Variants in FLVCR2 observed in about 807,000 individuals in gnomAD.
The protein encoded by FLVCR2 is FLVCR choline and putative heme transporter 2, also known as choline/ethanolamine transporter FLVCR2.
FLVCR2 carries 38 observed loss-of-function variants against 48.9 expected under a neutral mutation model. That is an observed-to-expected ratio of 0.78 (90% CI 0.60 to 1.02). The LOEUF is 1.02. Among genes scored for constraint, FLVCR2 ranks in the 50% least tolerant of loss-of-function variants. The pLI is 0.00. For synonymous variants in FLVCR2, 255 were observed against 257.0 expected, an observed-to-expected ratio of 0.99 and a Z score of 0.07; for missense variants, 664 against 663.3, an observed-to-expected ratio of 1.00 and a Z score of -0.01.
chr14:75,579,028 C>G lies in FLVCR2; in HGVS notation c.56C>G (p.Ser19Cys), dbSNP rs1204653243. The G allele has an allele frequency of 6.2e-7, 1 of 1,614,120 alleles. No homozygotes were observed. The highest frequency in any genetic ancestry group is 8.5e-7 in the Non-Finnish European group (1 of 1,180,002). Residue 19 changes from serine (S) to cysteine (C), a missense_variant, in exon 1 of 10, where the codon TCC becomes TGC. Transcript: ENST00000238667. ...AGCGATGACACCCCTGTGCCGGAGT[C>G]CGCACTCCAAGCGGACCCCAGCGTC... ...EESDDTPVPE[S>C]ALQADPSVSV...
intron 1 of FLVCR2, among the ~76,000 whole-genome samples, chr14:75,584,025 G>A (rs544865101): frequency 1.8e-4 from 27 of 152,316 alleles, no homozygotes; most frequent in African/African-American, 6.0e-4. Context: ...GAGTGGCCGC[G>A]ATGTGAGTCG....
intron 1 of FLVCR2, chr14:75,605,587 G>C (rs1460187287): frequency 6.5e-7 from 1 of 1,536,116 alleles, no homozygotes; most frequent in Non-Finnish European, 8.7e-7. Flanking sequence ...GCAGATAACA[G>C]CAGCACCATC....
chr14:75,622,250 C>A, intron 2 of FLVCR2, 30 bp downstream of exon 2: 1 of 1,612,130 alleles, frequency 6.2e-7, no homozygotes, highest in South Asian at 1.1e-5. Context: ...GATGGGGTAG[C>A]AGGGGGCGAA....
intron 9 of FLVCR2, among the ~76,000 whole-genome samples, chr14:75,643,546 G>A (rs990737422): frequency 1.3e-4 from 20 of 152,340 alleles, no homozygotes; most frequent in African/African-American, 4.8e-4. Flanking sequence ...TGAAGGATCT[G>A]TGTTGGCAGA....
At chr14:75,607,660 C>T (rs1594799890) in intron 1 of FLVCR2, among the ~76,000 whole-genome samples, 1 of 152,292 alleles carries the variant, frequency 6.6e-6, no homozygotes, top group East Asian at 1.9e-4. Flanking sequence ...CTTTGGGCAT[C>T]CTGCTCTTGA....
intron 5 of FLVCR2, among the ~76,000 whole-genome samples, chr14:75,636,977 G>C (rs1387878286): frequency 6.6e-6 from 1 of 152,256 alleles, no homozygotes; most frequent in Non-Finnish European, 1.5e-5. Context: ...GGAAGAGTGT[G>C]AGGGAGGAGC....
At chr14:75,628,539 T>C (rs2140043351) in intron 3 of FLVCR2, among the ~76,000 whole-genome samples, 1 of 152,184 alleles carries the variant, frequency 6.6e-6, no homozygotes, top group East Asian at 1.9e-4. Flanking sequence ...CATATTTAGC[T>C]CTGAATTATA....
In FLVCR2 at chr14:75,600,067, C is replaced by T. The variant is rs148118418; in HGVS notation, c.669+20426C>T. Reference sequence around the variant, plus strand: ...TAGGAGGTTGGCACAAGGTACAGGTCGCAAAGACCTTGCTGTTAAAAGGAT... The same window carrying T: ...TAGGAGGTTGGCACAAGGTACAGGTTGCAAAGACCTTGCTGTTAAAAGGAT... On this transcript the variant is annotated intron_variant, in intron 1 of 9. Transcript: ENST00000238667. Among the ~76,000 whole-genome samples, 816 of 152,194 alleles carry T rather than the reference C, an allele frequency of 5.4e-3. 4 individuals carry two copies. Among genetic ancestry groups the T allele is most frequent in the South Asian group, 0.01 (50 of 4,820 alleles).
At chr14:75,625,634 C>T (rs1889882832) in intron 3 of FLVCR2, among the ~76,000 whole-genome samples, 1 of 151,958 alleles carries the variant, frequency 6.6e-6, no homozygotes, top group African/African-American at 2.4e-5. Flanking sequence ...TAAGCGTTAG[C>T]AAATCTGTGA....
chr14:75,597,328 T>C (rs1354971120), intron 1 of FLVCR2, among the ~76,000 whole-genome samples: 2 of 151,248 alleles, frequency 1.3e-5, no homozygotes, highest in African/African-American at 4.9e-5. Flanking sequence ...TTGAGACTTC[T>C]GGGAAAGGTT....
At chr14:75,585,134 A>G (rs1338062155) in intron 1 of FLVCR2, among the ~76,000 whole-genome samples, 1 of 152,162 alleles carries the variant, frequency 6.6e-6, no homozygotes, top group Non-Finnish European at 1.5e-5. Flanking sequence ...TCTGTAGAAA[A>G]GGAGAATTCA....
At chr14:75,593,725 G>T (rs1888947786) in intron 1 of FLVCR2, among the ~76,000 whole-genome samples, 1 of 152,218 alleles carries the variant, frequency 6.6e-6, no homozygotes, top group African/African-American at 2.4e-5. Flanking sequence ...CAAGGCCCCA[G>T]CCTGCTTAGA....
At chr14:75,594,114 A>G (rs985948502) in intron 1 of FLVCR2, among the ~76,000 whole-genome samples, 1 of 152,232 alleles carries the variant, frequency 6.6e-6, no homozygotes, top group Non-Finnish European at 1.5e-5. Context: ...AGTTCTTTGC[A>G]AGTAGATAAC....
intron 1 of FLVCR2, among the ~76,000 whole-genome samples, chr14:75,593,875 A>T (rs1046120978): frequency 6.6e-5 from 10 of 152,204 alleles, no homozygotes; most frequent in Non-Finnish European, 1.5e-4. Context: ...TTTTCAGTCT[A>T]CATGGCCAGC....
At position 75,647,923 on chromosome 14, in the gene FLVCR2, T is replaced by G. The variant is rs1205098071; in HGVS notation, c.*1451T>G. ...TGTTTGTACAGATTCAAGCAATGGA[T>G]GCAAGGAACATGCTGTATGTAATAG... On this transcript the variant is annotated 3_prime_UTR_variant, in exon 10 of 10. Transcript: ENST00000238667. The G allele has an allele frequency of 6.5e-6, 1 of 152,812 alleles. No individual in the cohort carries two copies. Among genetic ancestry groups the G allele is most frequent in the Non-Finnish European group, 1.5e-5 (1 of 68,044 alleles). The allele number at this position is 152,812 out of a possible 1,614,324, so 9.5% of individuals were successfully genotyped here.
At chr14:75,645,648 TG>T (rs1890404227) in intron 9 of FLVCR2, among the ~76,000 whole-genome samples, 1 of 152,298 alleles carries the variant, frequency 6.6e-6, no homozygotes, top group Middle Eastern at 3.4e-3. Flanking sequence ...CTGGGCGCGG[TG>T]GGTCACGCCT....
In FLVCR2 at chr14:75,622,788, C is replaced by T. The variant is rs567874858; in HGVS notation, c.811+568C>T. On this transcript the variant is annotated intron_variant, in intron 2 of 9. Coordinates refer to ENST00000238667, the MANE Select transcript of FLVCR2 (RefSeq NM_017791.3). ...AAAACTAATAATTTCATAGATTAAC[C>T]TGACAGTACTTGGGGATCATAGTTC... is the stretch of plus-strand genomic sequence containing the variant. 1.7e-3 allele frequency among the ~76,000 whole-genome samples: 262 copies of T among 151,262 alleles called. 1 individual carries two copies. Among genetic ancestry groups the T allele is most frequent in the African/African-American group, 6.1e-3 (250 of 41,258 alleles).
In FLVCR2 at chr14:75,636,742, C is replaced by T. The variant is rs553042915; in HGVS notation, c.1124+1729C>T. Among the ~76,000 whole-genome samples, 8 of 152,306 alleles carry T rather than the reference C, an allele frequency of 5.3e-5. No individual in the cohort carries two copies. In the East Asian group the frequency reaches 1.2e-3, roughly 22 times the overall value. On this transcript the variant is annotated intron_variant, in intron 5 of 9. Coordinates refer to ENST00000238667, the MANE Select transcript of FLVCR2 (RefSeq NM_017791.3). ...TGAGAGCTCTGTGATCCCATCATTT[C>T]GGAGCCAGTCCTCGTCACTCTAAGG...
rs267606824 is a variant in FLVCR2, at chr14:75,633,653, C to T, written c.977C>T (p.Ala326Val). ...GGTCTGAATGCTGGTGCTTTTTATGCCTTGTCCACTCTTCTGAATCGCATG... is the reference window on the plus strand; with the variant it reads ...GGTCTGAATGCTGGTGCTTTTTATGTCTTGTCCACTCTTCTGAATCGCATG... ...TYGLNAGAFY[A>V]LSTLLNRMVI... The change falls in exon 4 of 10, where the codon GCC becomes GTC. Residue 326 changes from alanine (A) to valine (V), a missense_variant. Transcript: ENST00000238667. The T allele has an allele frequency of 6.2e-7, 1 of 1,614,020 alleles. No homozygotes were observed. Among genetic ancestry groups the T allele is most frequent in the Non-Finnish European group, 8.5e-7 (1 of 1,179,880 alleles).
Sources: allele counts gnomAD v4.1 joint callset (sites outside exome capture counted in the v4.1 genomes callset), GRCh38; gene constraint gnomAD v4.1.1; transcripts MANE v1.5; gene names NCBI Gene and HGNC (gene_info 2026-07-23, HGNC 2026-07-21).